The following LDLRAD3 variants were observed in gnomAD, a reference collection of about 807,000 sequenced individuals.
LDLRAD3 encodes the protein low density lipoprotein receptor class A domain containing 3.
In LDLRAD3, 20 loss-of-function variants were observed where a neutral mutation model predicts 29.4. The ratio of observed to expected loss-of-function variants is 0.68; its 90% CI spans 0.48 to 0.99. LDLRAD3 has a LOEUF of 0.99. Ranked by LOEUF, LDLRAD3 falls within the 50% of genes least tolerant of loss-of-function variation. The pLI, the probability that LDLRAD3 is intolerant of heterozygous loss-of-function variation, is 0.00. For synonymous variants in LDLRAD3, 157 were observed against 192.7 expected (o/e 0.81, Z 1.53); for missense variants, 420 against 454.3 (o/e 0.92, Z 0.69).
In LDLRAD3 at chr11:36,178,423, C is replaced by T. The variant is rs115420784; in HGVS notation, c.455-48662C>T. 6.1e-3 allele frequency among the ~76,000 whole-genome samples: 929 copies of T among 152,266 alleles called. 12 individuals carry two copies. The highest frequency in any genetic ancestry group is 0.021 in the African/African-American group (880 of 41,546). On this transcript the variant is annotated intron_variant, in intron 4 of 5. Transcript: ENST00000315571. ...TTCATCTGCCCAGTGGTCTTCCCAC[C>T]TCCTCATTCCGTCGTACGCCAAATC...
At chr11:36,144,969 C>T (rs374077920) in intron 4 of LDLRAD3, among the ~76,000 whole-genome samples, 16 of 78,936 alleles carry the variant, frequency 2.0e-4, no homozygotes, top group Non-Finnish European at 3.5e-4. Context: ...CGCCCCGTCC[C>T]GGAAGGAGGT....
At chr11:36,216,650 A>G (rs551356664) in intron 4 of LDLRAD3, among the ~76,000 whole-genome samples, 152 of 152,324 alleles carry the variant, frequency 1.0e-3, no homozygotes, top group Non-Finnish European at 1.5e-3. Context: ...GTTTGAATCT[A>G]GACAGTTTGA....
intron 2 of LDLRAD3, among the ~76,000 whole-genome samples, chr11:36,063,682 AT>A (rs1382080845): frequency 2.0e-5 from 3 of 152,056 alleles, no homozygotes; most frequent in Non-Finnish European, 4.4e-5. Context: ...TATCCAGTGA[AT>A]TTTCTTGGCA....
intron 4 of LDLRAD3, among the ~76,000 whole-genome samples, chr11:36,181,039 G>A (rs996857977): frequency 3.3e-5 from 5 of 152,058 alleles, no homozygotes; most frequent in African/African-American, 1.2e-4. Flanking sequence ...ATTCAGTGTG[G>A]CCTTGGGTAG....
rs897645686 is a variant in LDLRAD3, at chr11:36,189,497, GA to G, written c.455-37578del. 6.1e-3 allele frequency among the ~76,000 whole-genome samples: 890 copies of G among 145,108 alleles called. 12 individuals carry two copies. Among genetic ancestry groups the G allele is most frequent in the African/African-American group, 0.021 (832 of 39,580 alleles). ...AGACTCCATCTCAAAAAATGAAGAA[GA>G]AAAAAAAAACCCTTGTCCTTTAGCT... is the stretch of plus-strand genomic sequence containing the variant. On this transcript the variant is annotated intron_variant, in intron 4 of 5. Transcript: ENST00000315571.
At chr11:35,999,991 CAG>C (rs759843087) in intron 1 of LDLRAD3, among the ~76,000 whole-genome samples, 10 of 152,292 alleles carry the variant, frequency 6.6e-5, no homozygotes, top group Non-Finnish European at 1.5e-4. Flanking sequence ...TTATCCATCT[CAG>C]GGGACTGGGT....
chr11:36,006,912 C>T (rs1851892343), intron 1 of LDLRAD3, among the ~76,000 whole-genome samples: 2 of 152,156 alleles, frequency 1.3e-5, no homozygotes, highest in Admixed American at 6.5e-5. Context: ...CACTTTTAGC[C>T]CAAGAGGGAG....
At chr11:36,096,415 C>T (rs911951077) in intron 3 of LDLRAD3, among the ~76,000 whole-genome samples, 4 of 152,128 alleles carry the variant, frequency 2.6e-5, no homozygotes, top group Admixed American at 6.5e-5. Flanking sequence ...CTGGGCCTGG[C>T]GTCTGTTCTG....
intron 4 of LDLRAD3, among the ~76,000 whole-genome samples, chr11:36,185,960 A>T (rs1854841641): frequency 6.6e-6 from 1 of 152,214 alleles, no homozygotes; most frequent in Non-Finnish European, 1.5e-5. Context: ...GATGGACTTG[A>T]CATTTTTATA....
intron 4 of LDLRAD3, among the ~76,000 whole-genome samples, chr11:36,160,205 C>G (rs1011180834): frequency 3.0e-4 from 46 of 152,114 alleles, no homozygotes; most frequent in African/African-American, 8.9e-4. Flanking sequence ...AAAATTCCAG[C>G]TTGCTGTTTT....
chr11:36,015,884 A>T (rs1389846493), intron 1 of LDLRAD3, among the ~76,000 whole-genome samples: 1 of 152,208 alleles, frequency 6.6e-6, no homozygotes, highest in Non-Finnish European at 1.5e-5. Context: ...TCCAGACTCC[A>T]GCACTCTTGT....
In LDLRAD3 at chr11:35,944,972, T is replaced by A. The variant is rs1851038385; in HGVS notation, c.46+828T>A. Among the ~76,000 whole-genome samples, 1 of 152,186 alleles carries A rather than the reference T, an allele frequency of 6.6e-6. No homozygotes were observed. Among genetic ancestry groups the A allele is most frequent in the African/African-American group, 2.4e-5 (1 of 41,442 alleles). ...AACTTTTCTGCTGATGTGGGCATGATCCGAATTCCAGCCTGGGAGCCCTTC... is the reference window on the plus strand; with the variant it reads ...AACTTTTCTGCTGATGTGGGCATGAACCGAATTCCAGCCTGGGAGCCCTTC... On this transcript the variant is annotated intron_variant, in intron 1 of 5. Transcript: ENST00000315571. The surrounding 1 kb of genome is among the most constrained non-coding windows in gnomAD (Gnocchi z 4.9).
chr11:36,064,589 G>C (rs1358109417), intron 2 of LDLRAD3, among the ~76,000 whole-genome samples: 6 of 151,268 alleles, frequency 4.0e-5, no homozygotes, highest in Non-Finnish European at 7.4e-5. Flanking sequence ...CAAAGTGCTG[G>C]GATTACAGGC....
chr11:36,081,661 A>G lies in LDLRAD3; in HGVS notation c.202A>G (p.Lys68Glu). Residue 68 changes from lysine (K) to glutamate (E), a missense_variant, in exon 3 of 6, where the codon AAG becomes GAG. Coordinates refer to ENST00000315571, the MANE Select transcript of LDLRAD3 (RefSeq NM_174902.4). ...KSDEKECPKA[K>E]SKCGPTFFPC... Reference sequence around the variant, plus strand: ...TCTTTTTCTTCCTGCAGCCAAGGCTAAGTCGAAATGTGGCCCAACCTTCTT... The same window carrying G: ...TCTTTTTCTTCCTGCAGCCAAGGCTGAGTCGAAATGTGGCCCAACCTTCTT... The G allele has an allele frequency of 6.2e-7, 1 of 1,614,252 alleles. No homozygotes were observed. The highest frequency in any genetic ancestry group is 1.3e-5 in the African/African-American group (1 of 75,068).
chr11:36,058,670 C>T (rs1429352835), intron 2 of LDLRAD3, among the ~76,000 whole-genome samples: 2 of 152,190 alleles, frequency 1.3e-5, no homozygotes, highest in Non-Finnish European at 2.9e-5. Flanking sequence ...CATTAGCAAG[C>T]CCAGTCAACT....
chr11:36,025,551 G>A (rs1383733378), intron 1 of LDLRAD3, among the ~76,000 whole-genome samples: 1 of 151,914 alleles, frequency 6.6e-6, no homozygotes, highest in African/African-American at 2.4e-5. Flanking sequence ...ACCACTCCCG[G>A]CTAATTTTTT....
chr11:36,017,425 T>C (rs1327757789), intron 1 of LDLRAD3, among the ~76,000 whole-genome samples: 3 of 152,208 alleles, frequency 2.0e-5, no homozygotes, highest in East Asian at 3.9e-4. Context: ...TGACCTTTAC[T>C]CTTGACTGGT....
intron 1 of LDLRAD3, among the ~76,000 whole-genome samples, chr11:35,984,934 CTTTTTTT>C (rs1285306835): frequency 1.6e-5 from 2 of 127,990 alleles, no homozygotes; most frequent in Non-Finnish European, 1.7e-5. Flanking sequence ...CCTGCCTGTT[CTTTTTTT>C]TTTTTTTTTT....
At chr11:35,995,085 T>G (rs1292900633) in intron 1 of LDLRAD3, among the ~76,000 whole-genome samples, 1 of 152,234 alleles carries the variant, frequency 6.6e-6, no homozygotes, top group Non-Finnish European at 1.5e-5. Flanking sequence ...ACAGATGTTC[T>G]TAATGTCATC....
Sources: gnomAD v4.1 joint callset for allele counts (sites outside exome capture counted in the v4.1 genomes callset) on GRCh38, gnomAD v4.1.1 for gene constraint, Gnocchi (gnomAD v3.1) non-coding constraint, MANE v1.5 for transcripts, NCBI Gene and HGNC (gene_info 2026-07-23, HGNC 2026-07-21) for gene names.